SLC24A2: variants seen among roughly 807,000 people sequenced by gnomAD.
SLC24A2 encodes sodium/potassium/calcium exchanger 2.
A neutral mutation model predicts 62.0 loss-of-function variants in SLC24A2; 36 were observed. The observed-to-expected ratio is 0.58, with a 90% CI of 0.44 to 0.77. The LOEUF is 0.77. Among genes scored for constraint, SLC24A2 ranks in the 30% least tolerant of loss-of-function variants. SLC24A2 has a pLI of 0.00. For missense variants in SLC24A2, 846 were observed against 817.9 expected (o/e 1.03, Z -0.42); for synonymous variants, 358 against 294.0 (o/e 1.22, Z -2.23).
the SLC24A2 span, among the ~76,000 whole-genome samples, chr9:20,269,888 C>A: frequency 3.3e-5 from 5 of 152,144 alleles, no homozygotes; most frequent in Non-Finnish European, 5.9e-5. Context: ...TAACAGAATA[C>A]CTGAGCCTGA....
chr9:20,107,150 G>C, the SLC24A2 span, among the ~76,000 whole-genome samples: 300 of 152,200 alleles, frequency 2.0e-3, 4 homozygotes, highest in South Asian at 0.012. Context: ...ATGTGAAGGA[G>C]CTCTTCAAGG....
intron 8 of SLC24A2, among the ~76,000 whole-genome samples, chr9:19,534,271 C>T (rs1833849063): frequency 6.6e-6 from 1 of 152,204 alleles, no homozygotes; most frequent in Non-Finnish European, 1.5e-5. Flanking sequence ...TAAAGTCTTG[C>T]TCTGTGGTTA....
At chr9:20,148,581 A>G in the SLC24A2 span, among the ~76,000 whole-genome samples, 3 of 152,212 alleles carry the variant, frequency 2.0e-5, no homozygotes, top group South Asian at 6.2e-4. Flanking sequence ...AAATAAATGG[A>G]ATCTATATAC....
chr9:19,615,912 A>T (rs1321756966), intron 4 of SLC24A2, among the ~76,000 whole-genome samples: 1 of 151,744 alleles, frequency 6.6e-6, no homozygotes, highest in Non-Finnish European at 1.5e-5. Flanking sequence ...CCCTACCAGA[A>T]ACTGAATTCT....
chr9:19,949,919 G>A, the SLC24A2 span, among the ~76,000 whole-genome samples: 1 of 152,192 alleles, frequency 6.6e-6, no homozygotes, highest in Non-Finnish European at 1.5e-5. Context: ...CTTGCTAATC[G>A]AGTGTGGTGT....
the SLC24A2 span, among the ~76,000 whole-genome samples, chr9:20,130,840 G>T: frequency 3.3e-5 from 5 of 152,034 alleles, no homozygotes; most frequent in African/African-American, 1.2e-4. Flanking sequence ...AATGGTGAAG[G>T]TGGAAAAAAT....
intron 2 of SLC24A2, among the ~76,000 whole-genome samples, chr9:19,751,446 G>A (rs1821980829): frequency 6.6e-6 from 1 of 152,168 alleles, no homozygotes; most frequent in Admixed American, 6.5e-5. Context: ...CAGCCCACTG[G>A]AGAACCACTG....
chr9:20,077,140 G>C, the SLC24A2 span, among the ~76,000 whole-genome samples: 4 of 151,908 alleles, frequency 2.6e-5, no homozygotes, highest in Non-Finnish European at 4.4e-5. Flanking sequence ...GGCAGAGCGT[G>C]TGGTGAGGAA....
At chr9:20,102,139 A>T in the SLC24A2 span, among the ~76,000 whole-genome samples, 1 of 152,258 alleles carries the variant, frequency 6.6e-6, no homozygotes, top group East Asian at 1.9e-4. Context: ...CCCTATTTCT[A>T]TAAAGAGTTG....
the SLC24A2 span, among the ~76,000 whole-genome samples, chr9:19,996,293 TG>T: frequency 6.6e-6 from 1 of 152,196 alleles, no homozygotes; most frequent in African/African-American, 2.4e-5. Flanking sequence ...TCATAAGTCC[TG>T]GGGCATGGTC....
chr9:19,741,742 ACT>A (rs1821684529), intron 2 of SLC24A2, among the ~76,000 whole-genome samples: 1 of 151,944 alleles, frequency 6.6e-6, no homozygotes, highest in African/African-American at 2.4e-5. Context: ...AGAGTTATAT[ACT>A]CTGTCCTTGC....
At position 19,513,848 on chromosome 9, in the gene SLC24A2, A is replaced by T. The variant is rs1392636947; in HGVS notation, c.*2305T>A. The T allele has an allele frequency of 6.6e-6, 1 of 152,198 alleles. No individual in the cohort carries two copies. Among genetic ancestry groups the T allele is most frequent in the Non-Finnish European group, 1.5e-5 (1 of 68,038 alleles). The allele number at this position is 152,198 out of a possible 1,614,324, so 9.4% of individuals were successfully genotyped here. A position where few individuals can be genotyped will look rare whatever the true frequency, so the allele number is the denominator to read the frequency against. On this transcript the variant is annotated 3_prime_UTR_variant, in exon 11 of 11. Transcript: ENST00000341998. ...AAACAACTGGAGTTTTTAAACGTAAAGTTCACTTCCTCATTCTTTCACTCT... is the reference window on the plus strand; with the variant it reads ...AAACAACTGGAGTTTTTAAACGTAATGTTCACTTCCTCATTCTTTCACTCT...
chr9:19,835,580 T>C, the SLC24A2 span, among the ~76,000 whole-genome samples: 1 of 152,122 alleles, frequency 6.6e-6, no homozygotes, highest in African/African-American at 2.4e-5. Flanking sequence ...ATAAAGCAAG[T>C]CCTTACTGAC....
intron 2 of SLC24A2, among the ~76,000 whole-genome samples, chr9:19,636,375 CTTTCTT>C (rs1564009984): frequency 0.047 from 1,365 of 29,208 alleles, 98 homozygotes; most frequent in South Asian, 0.079. Flanking sequence ...TTCTTTCTTT[CTTTCTT>C]TCTTTCTCCC....
intron 2 of SLC24A2, among the ~76,000 whole-genome samples, chr9:19,663,469 C>G (rs1365208178): frequency 6.6e-6 from 1 of 152,156 alleles, no homozygotes; most frequent in Non-Finnish European, 1.5e-5. Context: ...TGCCCCCTTC[C>G]GCAATCTGTC....
the SLC24A2 span, among the ~76,000 whole-genome samples, chr9:19,835,553 C>T: frequency 6.6e-6 from 1 of 152,198 alleles, no homozygotes; most frequent in South Asian, 2.1e-4. Flanking sequence ...GCATCCAATA[C>T]AGGAGCACCC....
chr9:19,523,366 C>T (rs1459532934), intron 9 of SLC24A2, among the ~76,000 whole-genome samples: 3 of 152,146 alleles, frequency 2.0e-5, no homozygotes, highest in Non-Finnish European at 2.9e-5. Flanking sequence ...GGATAATATC[C>T]ACTCAGAATT....
the SLC24A2 span, among the ~76,000 whole-genome samples, chr9:20,152,131 G>A: frequency 1.6e-4 from 25 of 151,774 alleles, no homozygotes; most frequent in Admixed American, 3.3e-4. Context: ...AAAGCTAACA[G>A]AACAAAAATA....
chr9:19,555,832 C>G (rs1400142900), intron 7 of SLC24A2, among the ~76,000 whole-genome samples: 6 of 152,092 alleles, frequency 3.9e-5, no homozygotes, highest in South Asian at 2.1e-4. Flanking sequence ...GTAATCCCAG[C>G]TACTCAGGAG....
Sources: allele counts gnomAD v4.1 joint callset (sites outside exome capture counted in the v4.1 genomes callset), GRCh38; gene constraint gnomAD v4.1.1; transcripts MANE v1.5; gene names NCBI Gene and HGNC (gene_info 2026-07-23, HGNC 2026-07-21).